USH2A: variants seen among roughly 807,000 people sequenced by gnomAD.
The protein encoded by USH2A is Usher syndrome 2A (autosomal recessive, mild).
A neutral mutation model predicts 538.9 loss-of-function variants in USH2A; 443 were observed. That is an observed-to-expected ratio of 0.82 (90% CI 0.76 to 0.89). USH2A has a LOEUF of 0.89. USH2A is among the 40% of genes least tolerant of loss of function. The pLI, the probability that USH2A is intolerant of heterozygous loss-of-function variation, is 0.00. For missense variants in USH2A, 6,633 were observed against 6,324.8 expected, an observed-to-expected ratio of 1.05 and a Z score of -1.65; for synonymous variants, 2,413 against 2,273.5, an observed-to-expected ratio of 1.06 and a Z score of -1.75.
intron 44 of USH2A, among the ~76,000 whole-genome samples, chr1:215,846,723 T>C (rs565788080): frequency 6.6e-6 from 1 of 152,300 alleles, no homozygotes; most frequent in African/African-American, 2.4e-5. Flanking sequence ...ATACAGTACA[T>C]AGAACAACTT....
At chr1:216,325,630 CA>C in intron 5 of USH2A, 31 bp from the exon 6 acceptor site, 1 of 1,604,542 alleles carries the variant, frequency 6.2e-7, no homozygotes. Flanking sequence ...ACTGTAAGGA[CA>C]AAGAGCTTAA....
intron 67 of USH2A, among the ~76,000 whole-genome samples, chr1:215,646,692 A>G (rs1656862678): frequency 6.6e-6 from 1 of 151,890 alleles, no homozygotes; most frequent in Admixed American, 6.6e-5. Flanking sequence ...ATGCCTGGCT[A>G]ATTTTTGTAT....
At position 215,844,548 on chromosome 1, in the gene USH2A, C is replaced by A. The variant is rs150579700; in HGVS notation, c.9056-52G>T. On this transcript the variant is annotated intron_variant, in intron 45 of 71. Transcript: ENST00000307340. ...AACTCCAGCTGTCTCTGAAAAAGCA[C>A]ATGTTAAGCTAAATGCAGATTAGTA... is the stretch of plus-strand genomic sequence containing the variant. 1,535 of 1,579,106 alleles carry A rather than the reference C, an allele frequency of 9.7e-4. 10 individuals are homozygous for A. The African/African-American group carries it at 0.017, about 18-fold the overall frequency.
chr1:216,115,112 TTTTTGTTTTG>T lies in USH2A; in HGVS notation c.4628-17909_4628-17900del, dbSNP rs144536893. On this transcript the variant is annotated intron_variant, in intron 21 of 71. Coordinates refer to ENST00000307340, the MANE Select transcript of USH2A (RefSeq NM_206933.4). ...CCTTACATACCAAGATATTTATTTA[TTTTTGTTTTG>T]TTTTGTTTTGTTTTGTTTTGTTTTG... Among the ~76,000 whole-genome samples the T allele has an allele frequency of 5.2e-3, 775 of 148,548 alleles. 8 individuals carry two copies. The highest frequency in any genetic ancestry group is 0.015 in the South Asian group (70 of 4,584).
intron 37 of USH2A, among the ~76,000 whole-genome samples, chr1:215,942,716 G>A (rs1396428570): frequency 2.6e-5 from 4 of 152,114 alleles, no homozygotes; most frequent in African/African-American, 9.7e-5. Flanking sequence ...AGAAAGAGAT[G>A]GTAAATTCCT....
intron 21 of USH2A, among the ~76,000 whole-genome samples, chr1:216,156,121 C>A (rs1249990789): frequency 1.3e-5 from 2 of 151,958 alleles, no homozygotes; most frequent in African/African-American, 4.8e-5. Flanking sequence ...TCACCATGCA[C>A]CCTTCTGGCA....
At chr1:215,771,624 A>AAAAAAACAAC (rs1661291268) in intron 55 of USH2A, among the ~76,000 whole-genome samples, 1 of 133,880 alleles carries the variant, frequency 7.5e-6, no homozygotes, top group East Asian at 2.2e-4. Context: ...AAAAAAAAAA[A>AAAAAAACAAC]TTCAAGTGGG....
chr1:216,072,059 A>T (rs547490602), intron 29 of USH2A, among the ~76,000 whole-genome samples: 1 of 152,220 alleles, frequency 6.6e-6, no homozygotes, highest in Non-Finnish European at 1.5e-5. Flanking sequence ...TTGATTAAGT[A>T]TAAGAGAATA....
At chr1:216,319,441 T>C (rs1471303461) in intron 9 of USH2A, among the ~76,000 whole-genome samples, 1 of 152,162 alleles carries the variant, frequency 6.6e-6, no homozygotes, top group Non-Finnish European at 1.5e-5. Flanking sequence ...TAAAAGATTT[T>C]TCCTCATAAT....
At chr1:216,379,293 G>A (rs1476594364) in intron 3 of USH2A, among the ~76,000 whole-genome samples, 2 of 152,080 alleles carry the variant, frequency 1.3e-5, no homozygotes, top group Non-Finnish European at 2.9e-5. Flanking sequence ...AATTTGGGCT[G>A]GTTTCCTTTG....
At chr1:215,795,850 G>A (rs561965088) in intron 50 of USH2A, among the ~76,000 whole-genome samples, 11 of 152,190 alleles carry the variant, frequency 7.2e-5, no homozygotes, top group South Asian at 6.2e-4. Context: ...ATACGCTTAC[G>A]AATTATTGAG....
intron 32 of USH2A, among the ~76,000 whole-genome samples, chr1:216,020,909 A>G (rs1558215836): frequency 6.6e-6 from 1 of 152,150 alleles, no homozygotes; most frequent in Admixed American, 6.5e-5. Flanking sequence ...CATTCTAGCA[A>G]ATTATCAACC....
intron 54 of USH2A, among the ~76,000 whole-genome samples, chr1:215,780,803 C>CTATCTATCTAA: frequency 6.6e-6 from 1 of 152,354 alleles, no homozygotes; most frequent in South Asian, 2.1e-4. Context: ...AATGGTGGCT[C>CTATCTATCTAA]ACTCAGAAAG....
chr1:216,302,693 A>G (rs927782786), intron 9 of USH2A, among the ~76,000 whole-genome samples: 1 of 152,124 alleles, frequency 6.6e-6, no homozygotes, highest in Non-Finnish European at 1.5e-5. Context: ...TTCAACTATT[A>G]ATATAAGTGG....
At chr1:215,995,559 T>C (rs563166596) in intron 34 of USH2A, among the ~76,000 whole-genome samples, 2 of 152,046 alleles carry the variant, frequency 1.3e-5, no homozygotes, top group East Asian at 3.9e-4. Flanking sequence ...AGTATCTTGT[T>C]TGACCTGCCC....
rs370183385 is a variant in USH2A at position 216,182,353 on chromosome 1, A to G, written c.4397-6871T>C. On this transcript the variant is annotated intron_variant, in intron 20 of 71. Coordinates refer to ENST00000307340, the MANE Select transcript of USH2A (RefSeq NM_206933.4). ...TTTAATGACTTATAGGATACATAGT[A>G]TATTATGAAGCTATAATTGTGTATT... Among the ~76,000 whole-genome samples the G allele has an allele frequency of 3.9e-5, 6 of 152,184 alleles. No homozygotes were observed. The South Asian group carries it at 8.3e-4, about 21-fold the overall frequency.
intron 21 of USH2A, among the ~76,000 whole-genome samples, chr1:216,148,581 C>A (rs1281018244): frequency 2.6e-5 from 4 of 152,190 alleles, no homozygotes; most frequent in African/African-American, 4.8e-5. Flanking sequence ...CCTGTTATCA[C>A]CCGCCTGCTA....
intron 16 of USH2A, chr1:216,201,614 C>T (rs1482981297): frequency 1.3e-5 from 2 of 159,642 alleles, no homozygotes; most frequent in East Asian, 3.8e-4. Context: ...ACACCCGGCC[C>T]TTCTTCCCAG....
chr1:216,280,940 T>C lies in USH2A; in HGVS notation c.1971+8340A>G, dbSNP rs1301056557. 2.0e-5 allele frequency among the ~76,000 whole-genome samples: 3 copies of C among 152,206 alleles called. No individual in the cohort carries two copies. In the East Asian group the frequency reaches 5.8e-4, roughly 29 times the overall value. On this transcript the variant is annotated intron_variant, in intron 11 of 71. Transcript: ENST00000307340. ...AATATTATTAAGGATTGAAATTGCA[T>C]GAATTTTTTAAATGTCCTTGAATTC...
Sources: gnomAD v4.1 joint callset for allele counts (sites outside exome capture counted in the v4.1 genomes callset) on GRCh38, gnomAD v4.1.1 for gene constraint, MANE v1.5 for transcripts, NCBI Gene and HGNC (gene_info 2026-07-23, HGNC 2026-07-21) for gene names.